The following FLT1 variants were observed in gnomAD, a reference collection of about 807,000 sequenced individuals.
The protein encoded by FLT1 is fms related receptor tyrosine kinase 1, also known as vascular endothelial growth factor receptor 1.
Under a neutral mutation model 156.3 loss-of-function variants are expected in FLT1, and 49 were observed. The observed-to-expected ratio is 0.31, with a 90% CI of 0.25 to 0.40. The LOEUF is 0.40. FLT1 is among the 10% of genes least tolerant of loss of function. The probability of loss-of-function intolerance (pLI) is 1.00; values close to 1 mark genes in which losing one functional copy is unlikely to be tolerated. For missense variants in FLT1, 1,322 were observed against 1,637.2 expected (o/e 0.81, Z 3.32); for synonymous variants, 594 against 583.8 (o/e 1.02, Z -0.25).
chr13:28,349,193 T>C (rs1872662210), intron 15 of FLT1, among the ~76,000 whole-genome samples: 1 of 152,220 alleles, frequency 6.6e-6, no homozygotes, highest in Admixed American at 6.5e-5. Flanking sequence ...GTAGACATCC[T>C]GAAAATAGTG....
chr13:28,423,523 T>A (rs548047011), intron 10 of FLT1, among the ~76,000 whole-genome samples: 1 of 152,346 alleles, frequency 6.6e-6, no homozygotes, highest in South Asian at 2.1e-4. Context: ...ACTAGCTCTA[T>A]AGTAGGCAGA....
At chr13:28,307,786 T>C (rs4771236) in intron 28 of FLT1, among the ~76,000 whole-genome samples, 142,216 of 151,382 alleles carry the variant, frequency 0.94, 67,445 homozygotes, top group East Asian at 1. Context: ...CTTTTTTTTT[T>C]GAGACGGAGT....
At chr13:28,416,640 T>A (rs1309027342) in intron 10 of FLT1, among the ~76,000 whole-genome samples, 3 of 152,210 alleles carry the variant, frequency 2.0e-5, no homozygotes, top group African/African-American at 7.2e-5. Context: ...TATCCAGCAC[T>A]TAACACCACA....
intron 14 of FLT1, among the ~76,000 whole-genome samples, chr13:28,384,454 A>G (rs1874231152): frequency 6.6e-6 from 1 of 151,536 alleles, no homozygotes; most frequent in Middle Eastern, 3.4e-3. Flanking sequence ...ATCTCAAAAA[A>G]AAAAAAAAAA....
intron 11 of FLT1, among the ~76,000 whole-genome samples, chr13:28,402,657 T>A (rs764893508): frequency 6.6e-6 from 1 of 152,208 alleles, no homozygotes; most frequent in Non-Finnish European, 1.5e-5. Flanking sequence ...AAAGTCTTCA[T>A]TGTATATGAT....
chr13:28,345,581 G>T, intron 15 of FLT1, 30 bp from the exon 16 acceptor site: 2 of 1,301,154 alleles, frequency 1.5e-6, no homozygotes, highest in Non-Finnish European at 2.2e-6. Context: ...CAATAGTGGT[G>T]CAACAAAGAA....
chr13:28,320,467 T>C (rs1230686709), intron 23 of FLT1, among the ~76,000 whole-genome samples: 1 of 152,028 alleles, frequency 6.6e-6, no homozygotes, highest in African/African-American at 2.4e-5. Flanking sequence ...GCGGGCCACA[T>C]GTGGCCCAGG....
chr13:28,474,491 C>A (rs1336395282), intron 1 of FLT1, among the ~76,000 whole-genome samples: 2 of 147,114 alleles, frequency 1.4e-5, no homozygotes, highest in Non-Finnish European at 3.0e-5. Context: ...CACAGACACA[C>A]ACACACACAC....
At chr13:28,320,508 G>A (rs917273476) in intron 23 of FLT1, among the ~76,000 whole-genome samples, 12 of 151,660 alleles carry the variant, frequency 7.9e-5, no homozygotes, top group Admixed American at 2.6e-4. Flanking sequence ...ACACAAATTC[G>A]TAAACTTTCT....
Position 28,454,680 on chromosome 13 carries a change from T to C in FLT1, c.388+12223A>G, listed in dbSNP as rs56983394. ...TAAGACAAGAAAGGGAAATAGAAGG[T>C]ATACAGATTGGAAAAGAAAAAATAA... On this transcript the variant is annotated intron_variant, in intron 3 of 29. Coordinates refer to ENST00000282397, the MANE Select transcript of FLT1 (RefSeq NM_002019.4). 8.6e-3 allele frequency among the ~76,000 whole-genome samples: 1,314 copies of C among 152,202 alleles called. 26 individuals are homozygous for C. Among genetic ancestry groups the C allele is most frequent in the African/African-American group, 0.029 (1,223 of 41,536 alleles).
intron 10 of FLT1, among the ~76,000 whole-genome samples, chr13:28,410,830 A>G (rs1876120581): frequency 1.3e-5 from 2 of 152,220 alleles, no homozygotes; most frequent in African/African-American, 4.8e-5. Flanking sequence ...GAAAAATCAA[A>G]TGCTTTGCTC....
At chr13:28,372,095 T>G (rs1873627987) in intron 14 of FLT1, among the ~76,000 whole-genome samples, 1 of 120,770 alleles carries the variant, frequency 8.3e-6, no homozygotes, top group African/African-American at 3.2e-5. Context: ...TTTTTTTTTT[T>G]TTTTGAGACA....
At chr13:28,317,830 C>T (rs777802792) in intron 24 of FLT1, among the ~76,000 whole-genome samples, 1 of 152,186 alleles carries the variant, frequency 6.6e-6, no homozygotes, top group Non-Finnish European at 1.5e-5. Flanking sequence ...ACCTGGTGCT[C>T]ACAGGCTATT....
rs1411712346 is a variant in FLT1 at position 28,412,333 on chromosome 13, T to C, written c.1437-6439A>G. Among the ~76,000 whole-genome samples the C allele has an allele frequency of 7.8e-3, 402 of 51,290 alleles. 21 individuals carry two copies. The highest frequency in any genetic ancestry group is 0.022 in the African/African-American group (326 of 14,538). The allele number at this position is 51,290 out of a possible 152,430, so 33.6% of individuals were successfully genotyped here. A position where few individuals can be genotyped will look rare whatever the true frequency, so the allele number is the denominator to read the frequency against. On this transcript the variant is annotated intron_variant, in intron 10 of 29. Transcript: ENST00000282397. ...TCTTTCTTTCTTTCTTTCTTTCTTT[T>C]CTTTCTTTCTTTCTTTCTCTTTCTT... is the stretch of plus-strand genomic sequence containing the variant.
intron 1 of FLT1, among the ~76,000 whole-genome samples, chr13:28,482,480 A>AAATG (rs1249242575): frequency 6.6e-6 from 1 of 151,774 alleles, no homozygotes; most frequent in East Asian, 1.9e-4. Flanking sequence ...ATAAATAAAT[A>AAATG]AATAAATAAT....
rs747064531 is a variant in FLT1, at chr13:28,433,947, T to C, written c.685A>G (p.Ile229Val). 1.2e-6 allele frequency: 2 copies of C among 1,614,128 alleles called. No homozygotes were observed. The highest frequency in any genetic ancestry group is 1.1e-5 in the South Asian group (1 of 91,080). ...GGTGTGCTTATTTGGACATCTATGATTGTATTGGCTGCAAGCATAAGAGAG... is the reference window on the plus strand; with the variant it reads ...GGTGTGCTTATTTGGACATCTATGACTGTATTGGCTGCAAGCATAAGAGAG... Reference protein sequence around the residue: ...NYLTHRQTNTIIDVQISTPRP... With the variant: ...NYLTHRQTNTVIDVQISTPRP... Residue 229 changes from isoleucine to valine, a missense_variant, in exon 6 of 30, where the codon ATC becomes GTC. By Grantham distance (29) the Ile-to-Val change is conservative. Coordinates refer to ENST00000282397, the MANE Select transcript of FLT1 (RefSeq NM_002019.4).
intron 24 of FLT1, among the ~76,000 whole-genome samples, chr13:28,319,126 G>A (rs971900611): frequency 2.6e-5 from 4 of 152,062 alleles, no homozygotes; most frequent in Admixed American, 6.6e-5. Context: ...ACAGAATTGG[G>A]CAAAGTACAG....
intron 13 of FLT1, chr13:28,386,029 G>C: frequency 9.5e-7 from 1 of 1,052,506 alleles, no homozygotes; most frequent in Non-Finnish European, 1.1e-6. Context: ...TCCTGGAACA[G>C]AAATCAAAAG....
intron 1 of FLT1, among the ~76,000 whole-genome samples, chr13:28,492,178 G>A (rs1291072323): frequency 6.6e-6 from 1 of 152,144 alleles, no homozygotes; most frequent in African/African-American, 2.4e-5. Flanking sequence ...ATTTGAAATA[G>A]GTATTTTCAT....
Sources: gnomAD v4.1 joint callset for allele counts (sites outside exome capture counted in the v4.1 genomes callset) on GRCh38, gnomAD v4.1.1 for gene constraint, MANE v1.5 for transcripts, NCBI Gene and HGNC (gene_info 2026-07-23, HGNC 2026-07-21) for gene names.